The following SHANK2 variants were observed in gnomAD, a reference collection of about 807,000 sequenced individuals.
The protein encoded by SHANK2 is SH3 and multiple ankyrin repeat domains 2.
Under a neutral mutation model 133.7 loss-of-function variants are expected in SHANK2, and 43 were observed. The ratio of observed to expected loss-of-function variants is 0.32; its 90% CI spans 0.25 to 0.41. The LOEUF is 0.41. Among genes scored for constraint, SHANK2 ranks in the 10% least tolerant of loss-of-function variants. The pLI is 1.00. For synonymous variants in SHANK2, 1,017 were observed against 952.8 expected (o/e 1.07, Z -1.24); for missense variants, 1,994 against 2,235.8 (o/e 0.89, Z 2.18).
intron 14 of SHANK2, among the ~76,000 whole-genome samples, chr11:70,710,221 C>G (rs782516769): frequency 3.3e-5 from 5 of 152,168 alleles, no homozygotes; most frequent in Non-Finnish European, 5.9e-5. Context: ...GGGGCTGTGC[C>G]GTCCCCTCAG....
At chr11:70,480,729 G>A (rs1555151323) in intron 25 of SHANK2, among the ~76,000 whole-genome samples, 1 of 152,200 alleles carries the variant, frequency 6.6e-6, no homozygotes, top group African/African-American at 2.4e-5. Context: ...AGGCATCCTT[G>A]TTGGTGTATT....
intron 14 of SHANK2, among the ~76,000 whole-genome samples, chr11:70,731,863 G>T (rs370519200): frequency 6.6e-6 from 1 of 152,154 alleles, no homozygotes; most frequent in Non-Finnish European, 1.5e-5. Flanking sequence ...AGCAGCCCTC[G>T]TCTCAGCTGA....
At chr11:70,645,746 C>T (rs1257607807) in intron 17 of SHANK2, among the ~76,000 whole-genome samples, 1 of 152,156 alleles carries the variant, frequency 6.6e-6, no homozygotes, top group Non-Finnish European at 1.5e-5. Context: ...GACTGGGGAG[C>T]TGGGGCAAGG....
At chr11:70,950,809 G>A (rs1950823112) in intron 10 of SHANK2, among the ~76,000 whole-genome samples, 1 of 152,026 alleles carries the variant, frequency 6.6e-6, no homozygotes, top group Non-Finnish European at 1.5e-5. Flanking sequence ...GGGTGTGTAT[G>A]TATGTGTTTT....
chr11:70,805,449 G>A (rs780216962), intron 13 of SHANK2, among the ~76,000 whole-genome samples: 15 of 152,198 alleles, frequency 9.9e-5, no homozygotes, highest in Non-Finnish European at 1.8e-4. Context: ...TAACAAGGCC[G>A]GCATCGGCCC....
intron 10 of SHANK2, among the ~76,000 whole-genome samples, chr11:70,948,907 A>G (rs1950794019): frequency 6.6e-6 from 1 of 152,214 alleles, no homozygotes; most frequent in Admixed American, 6.5e-5. Flanking sequence ...ACATCTGGGC[A>G]GGTTACAATC....
intron 17 of SHANK2, among the ~76,000 whole-genome samples, chr11:70,543,590 C>T (rs2059650828): frequency 6.6e-6 from 1 of 152,200 alleles, no homozygotes; most frequent in African/African-American, 2.4e-5. Context: ...GGCATCAAAG[C>T]TGCACGCCTT....
chr11:70,706,594 T>G (rs1555024981), intron 14 of SHANK2, among the ~76,000 whole-genome samples: 1 of 152,044 alleles, frequency 6.6e-6, no homozygotes, highest in African/African-American at 2.4e-5. Context: ...CTCTTGAACT[T>G]GTCAACCCGA....
At chr11:71,085,578 T>C (rs1381794932) in intron 8 of SHANK2, among the ~76,000 whole-genome samples, 3 of 45,976 alleles carry the variant, frequency 6.5e-5, no homozygotes, top group South Asian at 6.9e-4. Context: ...ATATATATTA[T>C]ATAATATATT....
chr11:70,761,260 C>T (rs1317909212), intron 14 of SHANK2, among the ~76,000 whole-genome samples: 1 of 152,060 alleles, frequency 6.6e-6, no homozygotes, highest in African/African-American at 2.4e-5. Flanking sequence ...GGATTTGTGC[C>T]CTTACTAGGA....
chr11:71,146,604 A>G (rs1189485175), intron 3 of SHANK2, among the ~76,000 whole-genome samples: 1 of 152,228 alleles, frequency 6.6e-6, no homozygotes, highest in East Asian at 1.9e-4. Flanking sequence ...CTGGAGGGAC[A>G]GGAGGAGGCG....
At chr11:70,554,770 G>GTGCCCCATCTTTCACCCTCCC (rs2059808362) in intron 17 of SHANK2, among the ~76,000 whole-genome samples, 1 of 150,816 alleles carries the variant, frequency 6.6e-6, no homozygotes, top group Admixed American at 6.6e-5. Flanking sequence ...AACAATGGCT[G>GTGCCCCATCTTTCACCCTCCC]TGCCCCATCT....
At chr11:70,680,331 G>C (rs1416680064) in intron 15 of SHANK2, among the ~76,000 whole-genome samples, 1 of 152,150 alleles carries the variant, frequency 6.6e-6, no homozygotes, top group Non-Finnish European at 1.5e-5. Context: ...TACAGTTCTG[G>C]GGGTCCGAGG....
At chr11:70,629,944 A>C (rs920514199) in intron 17 of SHANK2, among the ~76,000 whole-genome samples, 2 of 152,158 alleles carry the variant, frequency 1.3e-5, no homozygotes, top group Non-Finnish European at 2.9e-5. Context: ...CCCTTTTCTC[A>C]GTTTCCCCTG....
At chr11:71,156,631 A>G (rs1164497645) in intron 2 of SHANK2, among the ~76,000 whole-genome samples, 4 of 152,266 alleles carry the variant, frequency 2.6e-5, no homozygotes, top group African/African-American at 7.2e-5. Flanking sequence ...CTGAGAACTA[A>G]TTCCATTACA....
chr11:71,129,181 G>A (rs782458316), intron 3 of SHANK2, among the ~76,000 whole-genome samples: 2 of 152,222 alleles, frequency 1.3e-5, no homozygotes, highest in African/African-American at 2.4e-5. Flanking sequence ...ACACTCCTGG[G>A]TAGTATCATC....
intron 18 of SHANK2, 75 bp downstream of exon 18, chr11:70,502,721 C>G (rs549117985): frequency 1.5e-6 from 2 of 1,324,706 alleles, no homozygotes; most frequent in South Asian, 1.3e-5. Context: ...CACTGCCCCC[C>G]AGCTGTCCTG....
At chr11:71,215,116 C>A (rs374402874) in intron 2 of SHANK2, among the ~76,000 whole-genome samples, 3 of 152,212 alleles carry the variant, frequency 2.0e-5, no homozygotes, top group Non-Finnish European at 4.4e-5. Context: ...AGGCATGCCC[C>A]GATGTGCGAT....
chr11:71,147,986 A>G (rs1952689027), intron 2 of SHANK2, among the ~76,000 whole-genome samples: 1 of 152,188 alleles, frequency 6.6e-6, no homozygotes, highest in Non-Finnish European at 1.5e-5. Context: ...AGGCAGGGGC[A>G]GCTGAGAGTG....
Sources: allele counts gnomAD v4.1 joint callset (sites outside exome capture counted in the v4.1 genomes callset), GRCh38; gene constraint gnomAD v4.1.1; transcripts MANE v1.5; gene names NCBI Gene and HGNC (gene_info 2026-07-23, HGNC 2026-07-21).